Variants in SEZ6L2 observed in about 807,000 individuals in gnomAD.
SEZ6L2 encodes the protein seizure 6-like protein 2.
SEZ6L2 carries 44 observed loss-of-function variants against 97.0 expected under a neutral mutation model. The observed-to-expected ratio is 0.45, with a 90% CI of 0.36 to 0.58. The LOEUF is 0.58. Ranked by LOEUF, SEZ6L2 falls within the 20% of genes least tolerant of loss-of-function variation. The probability of loss-of-function intolerance (pLI) is 0.00; values close to 1 mark genes in which losing one functional copy is unlikely to be tolerated. For missense variants in SEZ6L2, 1,086 were observed against 1,233.3 expected (o/e 0.88, Z 1.79); for synonymous variants, 543 against 546.1 (o/e 0.99, Z 0.08).
At chr16:29,884,936 G>A (rs1368743214) in intron 8 of SEZ6L2, among the ~76,000 whole-genome samples, 1 of 150,952 alleles carries the variant, frequency 6.6e-6, no homozygotes, top group Non-Finnish European at 1.5e-5. Context: ...GGCCGGGCGC[G>A]GTGGCTCACT....
rs1363720554 is a variant in SEZ6L2, at chr16:29,897,932, G to A, written c.132C>T (p.Pro44=). Reference sequence around the variant, plus strand: ...CAGCCAGGGCCTCAGAGGCCACCGTGGGGGTCTCACTTCCAGGCTCTGGCA... The same window carrying A: ...CAGCCAGGGCCTCAGAGGCCACCGTAGGGGTCTCACTTCCAGGCTCTGGCA... The part of the protein sequence containing the change: ...EILPEPGSET[P]TVASEALAEL... The change falls in exon 2 of 18, where the codon CCC becomes CCT. Residue 44 remains proline (P), a synonymous_variant. Coordinates refer to ENST00000617533, the MANE Select transcript of SEZ6L2 (RefSeq NM_001243332.2). The A allele has an allele frequency of 6.2e-7, 1 of 1,613,790 alleles. No homozygotes were observed. The highest frequency in any genetic ancestry group is 8.5e-7 in the Non-Finnish European group (1 of 1,179,872).
intron 8 of SEZ6L2, among the ~76,000 whole-genome samples, chr16:29,884,933 C>A (rs777235017): frequency 1.3e-5 from 2 of 152,004 alleles, no homozygotes; most frequent in African/African-American, 2.4e-5. Context: ...AAAGGCCGGG[C>A]GCGGTGGCTC....
intron 4 of SEZ6L2, 59 bp from the exon 5 acceptor site, chr16:29,895,519 G>A: frequency 6.4e-7 from 1 of 1,573,890 alleles, no homozygotes; most frequent in Non-Finnish European, 8.7e-7. Context: ...GACTTCCAAA[G>A]CCCCTGTCCT....
At chr16:29,882,118 G>C (rs1334017377) in intron 8 of SEZ6L2, among the ~76,000 whole-genome samples, 2 of 151,560 alleles carry the variant, frequency 1.3e-5, no homozygotes, top group Non-Finnish European at 2.9e-5. Flanking sequence ...TTACAGGCAC[G>C]TACTACCACA....
At chr16:29,874,550 G>GTTTTTGTTTTTTTT (rs2067859275) in intron 12 of SEZ6L2, among the ~76,000 whole-genome samples, 3 of 32,528 alleles carry the variant, frequency 9.2e-5, no homozygotes, top group African/African-American at 2.5e-4. Flanking sequence ...GTGTGTGCTT[G>GTTTTTGTTTTTTTT]TTTTTTTTTT....
chr16:29,897,815 C>G, intron 2 of SEZ6L2, 38 bp downstream of exon 2: 1 of 1,567,050 alleles, frequency 6.4e-7, no homozygotes, highest in African/African-American at 1.4e-5. Context: ...ATCCCTCCCT[C>G]TGCCTCTAGG....
At chr16:29,887,301 ACTT>A (rs1293647458) in intron 7 of SEZ6L2, among the ~76,000 whole-genome samples, 2 of 143,882 alleles carry the variant, frequency 1.4e-5, no homozygotes, top group African/African-American at 2.6e-5. Context: ...TGAGGTGGGG[ACTT>A]CTTTTTTTTT....
chr16:29,884,110 AAGTTGGAGCCCACC>A (rs2068082045), intron 8 of SEZ6L2, among the ~76,000 whole-genome samples: 1 of 152,054 alleles, frequency 6.6e-6, no homozygotes, highest in Non-Finnish European at 1.5e-5. Flanking sequence ...CCACTAGGTT[AAGTTGGAGCCCACC>A]AGGGAAGGCC....
chr16:29,884,747 T>G (rs1257460534), intron 8 of SEZ6L2, among the ~76,000 whole-genome samples: 1 of 148,486 alleles, frequency 6.7e-6, no homozygotes, highest in African/African-American at 2.5e-5. Flanking sequence ...AACCCCATTT[T>G]TACTAAAAAT....
intron 5 of SEZ6L2, among the ~76,000 whole-genome samples, chr16:29,889,911 T>TTTTGTG (rs1367726538): frequency 6.6e-6 from 1 of 151,608 alleles, no homozygotes; most frequent in Non-Finnish European, 1.5e-5. Flanking sequence ...GTCTTTTTGT[T>TTTTGTG]TTTGTTTTTG....
At chr16:29,880,168 G>GT in intron 8 of SEZ6L2, 104 bp from the exon 9 acceptor site, 5 of 1,092,008 alleles carry the variant, frequency 4.6e-6, no homozygotes, top group South Asian at 3.3e-5. Flanking sequence ...CACTCACTGG[G>GT]CTTTTTTTTT....
chr16:29,880,138 G>A, intron 8 of SEZ6L2, 74 bp from the exon 9 acceptor site: 1 of 1,393,232 alleles, frequency 7.2e-7, no homozygotes, highest in Non-Finnish European at 9.8e-7. Flanking sequence ...GATGTGGGCT[G>A]AATTGGGGTG....
intron 8 of SEZ6L2, among the ~76,000 whole-genome samples, chr16:29,881,222 A>G (rs1337141267): frequency 6.6e-6 from 1 of 152,178 alleles, no homozygotes; most frequent in Non-Finnish European, 1.5e-5. Context: ...CCCAGCCACC[A>G]TTCTACAGAG....
intron 5 of SEZ6L2, among the ~76,000 whole-genome samples, chr16:29,893,945 A>C (rs949043571): frequency 2.0e-5 from 3 of 152,200 alleles, no homozygotes; most frequent in African/African-American, 7.2e-5. Flanking sequence ...ATCTCAGCTC[A>C]ATGCAACCTC....
chr16:29,888,095 A>G (rs1024323733), intron 6 of SEZ6L2, among the ~76,000 whole-genome samples: 5 of 152,146 alleles, frequency 3.3e-5, no homozygotes, highest in African/African-American at 1.2e-4. Context: ...ATACTCTAGG[A>G]TGGGGAGTTA....
At position 29,885,729 on chromosome 16, in the gene SEZ6L2, C is replaced by G. The variant is rs539266943; in HGVS notation, c.1229G>C (p.Gly410Ala). ...DNDRLMVRSG[G>A]SPLSPVIYDS... The stretch of plus-strand genomic sequence containing the variant: ...ATAGATCACGGGGGATAGGGGGCTG[C>G]CCCCTGAGCGCACCATCAGCCTGGG... The change falls in exon 8 of 18, where the codon GGC (glycine) becomes GCC (alanine). Residue 410 changes from glycine to alanine, a missense_variant. Physicochemically the swap from Gly to Ala is moderately conservative, Grantham distance 60 (BLOSUM62 0). Transcript: ENST00000617533. 2.5e-6 allele frequency: 4 copies of G among 1,610,964 alleles called. No homozygotes were observed. The East Asian group carries it at 8.9e-5, about 36-fold the overall frequency.
At chr16:29,889,299 C>G (rs1014686453) in intron 5 of SEZ6L2, among the ~76,000 whole-genome samples, 2 of 151,990 alleles carry the variant, frequency 1.3e-5, no homozygotes, top group Non-Finnish European at 2.9e-5. Flanking sequence ...ATTAGCCAGG[C>G]GTGGTGGTGG....
intron 5 of SEZ6L2, among the ~76,000 whole-genome samples, chr16:29,894,203 T>A: frequency 6.6e-6 from 1 of 152,168 alleles, no homozygotes; most frequent in East Asian, 1.9e-4. Context: ...CATGTATTAA[T>A]TCATTTGATC....
At position 29,885,679 on chromosome 16, in the gene SEZ6L2, C is replaced by G. The variant is rs768587302; in HGVS notation, c.1279G>C (p.Glu427Gln). The G allele has an allele frequency of 2.5e-6, 4 of 1,613,932 alleles. No homozygotes were observed. In the South Asian group the frequency reaches 4.4e-5, roughly 18 times the overall value. The change falls in exon 8 of 18, where the codon GAG becomes CAG. Residue 427 changes from glutamate to glutamine, a missense_variant. By Grantham distance (29) the Glu-to-Gln change is conservative. Around this residue, in one of 2 missense-constraint regions of SEZ6L2, gnomAD observed 776 missense variants for 794.7 expected, o/e 0.98. Transcript: ENST00000617533. ...IYDSDMDDVP[E>Q]RGLISDAQSL... ...TGGGCGTCACTGATGAGACCCCGCT[C>G]GGGGACATCGTCCATGTCCGAATCA...
Sources: gnomAD v4.1 joint callset for allele counts (sites outside exome capture counted in the v4.1 genomes callset) on GRCh38, gnomAD v4.1.1 for gene constraint, gnomAD v4.1.1 regional missense constraint, MANE v1.5 for transcripts, NCBI Gene and HGNC (gene_info 2026-07-23, HGNC 2026-07-21) for gene names.